CCDC175: variants seen among roughly 807,000 people sequenced by gnomAD.
CCDC175 encodes coiled-coil domain-containing protein 175.
Under a neutral mutation model 114.6 loss-of-function variants are expected in CCDC175, and 100 were observed. The ratio of observed to expected loss-of-function variants is 0.87; its 90% CI spans 0.74 to 1.03. CCDC175 has a LOEUF of 1.03. CCDC175 is among the 50% of genes least tolerant of loss of function. CCDC175 has a pLI of 0.00. For missense variants in CCDC175, 880 were observed against 917.8 expected (o/e 0.96, Z 0.53); for synonymous variants, 306 against 308.7 (o/e 0.99, Z 0.09).
intron 13 of CCDC175, 67 bp downstream of exon 13, chr14:59,537,956 A>C: frequency 2.8e-6 from 3 of 1,081,958 alleles, no homozygotes; most frequent in Non-Finnish European, 1.3e-6. Context: ...GAATAGCATG[A>C]AATATTATTC....
At chr14:59,525,034 G>C (rs573074445) in intron 16 of CCDC175, among the ~76,000 whole-genome samples, 1 of 152,250 alleles carries the variant, frequency 6.6e-6, no homozygotes, top group South Asian at 2.1e-4. Context: ...CCTTAGTGGG[G>C]CTGGTTAGTG....
chr14:59,554,643 T>C (rs58824454), intron 7 of CCDC175, among the ~76,000 whole-genome samples: 7 of 151,990 alleles, frequency 4.6e-5, no homozygotes, highest in African/African-American at 1.4e-4. Flanking sequence ...AATAGAGACA[T>C]AAAAAACCCT....
intron 18 of CCDC175, among the ~76,000 whole-genome samples, chr14:59,511,548 T>TAAAAAAAAAAAAAAAA (rs34490884): frequency 1.1e-5 from 1 of 94,648 alleles, no homozygotes; most frequent in African/African-American, 4.1e-5. Context: ...TGATATTTGG[T>TAAAAAAAAAAAAAAAA]AAAAAAAAAA....
At chr14:59,516,805 C>T (rs1893117562) in intron 17 of CCDC175, among the ~76,000 whole-genome samples, 1 of 152,136 alleles carries the variant, frequency 6.6e-6, no homozygotes, top group African/African-American at 2.4e-5. Context: ...GGGAATCCTC[C>T]CTAACTCATT....
chr14:59,512,753 T>C (rs1892825595), intron 17 of CCDC175, among the ~76,000 whole-genome samples: 1 of 151,958 alleles, frequency 6.6e-6, no homozygotes, highest in African/African-American at 2.4e-5. Context: ...AAGTCTATTC[T>C]TCCAACATTG....
At chr14:59,556,781 C>T (rs1895925116) in intron 7 of CCDC175, among the ~76,000 whole-genome samples, 2 of 152,126 alleles carry the variant, frequency 1.3e-5, no homozygotes, top group Non-Finnish European at 2.9e-5. Context: ...AAAAAACAAA[C>T]AACACCATCA....
At chr14:59,563,961 A>G (rs1192477326) in intron 5 of CCDC175, 102 bp from the exon 6 acceptor site, 2 of 659,032 alleles carry the variant, frequency 3.0e-6, no homozygotes, top group African/African-American at 3.8e-5. Flanking sequence ...TATTTAATCT[A>G]AGTATAACAT....
At chr14:59,535,962 G>T (rs1332249320) in intron 13 of CCDC175, among the ~76,000 whole-genome samples, 1 of 152,220 alleles carries the variant, frequency 6.6e-6, no homozygotes, top group African/African-American at 2.4e-5. Flanking sequence ...GATGCAGGAA[G>T]CCATTTCTGC....
intron 7 of CCDC175, among the ~76,000 whole-genome samples, chr14:59,555,902 T>A (rs1284942380): frequency 6.6e-6 from 1 of 152,096 alleles, no homozygotes; most frequent in Non-Finnish European, 1.5e-5. Context: ...GGAATCCAAC[T>A]TACAAGGGAT....
At chr14:59,517,840 C>G (rs1409732678) in intron 17 of CCDC175, among the ~76,000 whole-genome samples, 1 of 151,964 alleles carries the variant, frequency 6.6e-6, no homozygotes, top group Non-Finnish European at 1.5e-5. Flanking sequence ...CATATGGAAC[C>G]AAAAAAGAGC....
intron 19 of CCDC175, among the ~76,000 whole-genome samples, chr14:59,508,381 A>T (rs907438241): frequency 4.2e-5 from 4 of 94,814 alleles, no homozygotes; most frequent in African/African-American, 1.9e-4. Context: ...TCAACATGGC[A>T]TAACCTCGTC....
intron 11 of CCDC175, 37 bp downstream of exon 11, chr14:59,540,638 C>T: frequency 6.7e-7 from 1 of 1,484,922 alleles, no homozygotes; most frequent in Non-Finnish European, 8.9e-7. Context: ...TAACACAAAA[C>T]ACAAATAAAC....
chr14:59,523,580 A>G (rs1257378539), intron 16 of CCDC175, among the ~76,000 whole-genome samples: 2 of 152,230 alleles, frequency 1.3e-5, no homozygotes, highest in Non-Finnish European at 2.9e-5. Context: ...CATTACAGGC[A>G]TTGTGCAAAA....
intron 15 of CCDC175, among the ~76,000 whole-genome samples, chr14:59,525,879 A>C (rs1249051085): frequency 6.6e-6 from 1 of 152,226 alleles, no homozygotes; most frequent in African/African-American, 2.4e-5. Context: ...ATATTGGAGA[A>C]TGTGGGTAGG....
chr14:59,558,036 G>T (rs1894827757), intron 7 of CCDC175, among the ~76,000 whole-genome samples: 1 of 152,188 alleles, frequency 6.6e-6, no homozygotes, highest in Non-Finnish European at 1.5e-5. Flanking sequence ...CAGGTGGTCA[G>T]GGAAGACCTT....
In CCDC175 at chr14:59,505,813, T is replaced by G. The variant is rs1244486810; in HGVS notation, c.2306-498A>C. On this transcript the variant is annotated intron_variant, in intron 19 of 19. Transcript: ENST00000537690. ...TTATCACTACAGTGTATGGTACTTT[T>G]GCTAACCAGTCCTGAAGAGGTAATT... is the stretch of plus-strand genomic sequence containing the variant. Among the ~76,000 whole-genome samples the G allele has an allele frequency of 2.0e-5, 3 of 152,322 alleles. No homozygotes were observed. In the East Asian group the frequency reaches 5.8e-4, roughly 29 times the overall value.
chr14:59,532,663 C>T (rs1595013590), intron 13 of CCDC175, among the ~76,000 whole-genome samples: 2 of 152,238 alleles, frequency 1.3e-5, no homozygotes, highest in Middle Eastern at 3.4e-3. Context: ...GCTCCTGCAA[C>T]AGGAACAGCT....
intron 7 of CCDC175, among the ~76,000 whole-genome samples, chr14:59,552,004 A>G (rs1895532938): frequency 6.6e-6 from 1 of 152,246 alleles, no homozygotes; most frequent in Admixed American, 6.5e-5. Flanking sequence ...CCACAGCTCA[A>G]GGAGGACTGC....
chr14:59,545,102 T>C, intron 9 of CCDC175, 61 bp downstream of exon 9: 2 of 1,456,072 alleles, frequency 1.4e-6, no homozygotes, highest in Non-Finnish European at 1.8e-6. Context: ...ACCACTTTGA[T>C]AGCAAGAAAA....
Sources: allele counts gnomAD v4.1 joint callset (sites outside exome capture counted in the v4.1 genomes callset), GRCh38; gene constraint gnomAD v4.1.1; transcripts MANE v1.5; gene names NCBI Gene and HGNC (gene_info 2026-07-23, HGNC 2026-07-21).